RSRC1: variants seen among roughly 807,000 people sequenced by gnomAD.
The protein encoded by RSRC1 is serine/Arginine-related protein 53.
A neutral mutation model predicts 49.1 loss-of-function variants in RSRC1; 39 were observed. The observed-to-expected ratio is 0.79, with a 90% CI of 0.61 to 1.04. The LOEUF (loss-of-function observed/expected upper bound fraction) is 1.04. Ranked by LOEUF, RSRC1 falls within the 50% of genes least tolerant of loss-of-function variation. RSRC1 has a pLI of 0.00. For synonymous variants in RSRC1, 143 were observed against 130.8 expected (o/e 1.09, Z -0.63); for missense variants, 388 against 402.4 (o/e 0.96, Z 0.31).
intron 5 of RSRC1, among the ~76,000 whole-genome samples, chr3:158,354,282 TC>T (rs1432750227): frequency 6.6e-6 from 1 of 152,164 alleles, no homozygotes; most frequent in African/African-American, 2.4e-5. Flanking sequence ...AGCCACTGCG[TC>T]CGGCTGGAAA....
At chr3:158,290,049 T>A (rs1422837188) in intron 4 of RSRC1, among the ~76,000 whole-genome samples, 1 of 150,430 alleles carries the variant, frequency 6.6e-6, no homozygotes, top group Non-Finnish European at 1.5e-5. Context: ...AGCTGAAAAT[T>A]ATATGAAGAT....
intron 6 of RSRC1, among the ~76,000 whole-genome samples, chr3:158,359,107 CTA>C (rs1731333705): frequency 6.6e-6 from 1 of 152,032 alleles, no homozygotes; most frequent in Non-Finnish European, 1.5e-5. Context: ...TTTGGTAATT[CTA>C]TGTTTAATTT....
chr3:158,254,168 A>T (rs1578247981), intron 4 of RSRC1, among the ~76,000 whole-genome samples: 2 of 152,136 alleles, frequency 1.3e-5, no homozygotes, highest in African/African-American at 2.4e-5. Flanking sequence ...TCTATCATTG[A>T]TGGACATTTG....
chr3:158,208,109 G>A (rs902133719), intron 4 of RSRC1, among the ~76,000 whole-genome samples: 3 of 151,958 alleles, frequency 2.0e-5, no homozygotes, highest in South Asian at 4.1e-4. Flanking sequence ...GAAAGACATC[G>A]AGTCCTGTCT....
At chr3:158,135,272 A>ATTTT (rs10626579) in intron 3 of RSRC1, among the ~76,000 whole-genome samples, 2 of 144,322 alleles carry the variant, frequency 1.4e-5, no homozygotes, top group African/African-American at 2.6e-5. Flanking sequence ...TTATAGTGTA[A>ATTTT]TTTTTTTTTT....
intron 3 of RSRC1, among the ~76,000 whole-genome samples, chr3:158,133,566 CCTT>C (rs1716173637): frequency 6.6e-6 from 1 of 152,238 alleles, no homozygotes. Context: ...TAACATTTTG[CCTT>C]CTTGCAATCT....
At chr3:158,145,010 C>A (rs1314435354) in intron 3 of RSRC1, among the ~76,000 whole-genome samples, 1 of 151,994 alleles carries the variant, frequency 6.6e-6, no homozygotes, top group Non-Finnish European at 1.5e-5. Context: ...TGTTTGAGTT[C>A]TTTGTAGATT....
rs182996482 is a variant in RSRC1 at position 158,318,269 on chromosome 3, G to A, written c.531+20194G>A. On this transcript the variant is annotated intron_variant, in intron 5 of 9. Coordinates refer to ENST00000611884, the MANE Select transcript of RSRC1 (RefSeq NM_001271838.2). ...GATAGAGCCATTAATTCACCCACATGTTACCATATGACAGTCTCCTAGCAA... is the reference window on the plus strand; with the variant it reads ...GATAGAGCCATTAATTCACCCACATATTACCATATGACAGTCTCCTAGCAA... Among the ~76,000 whole-genome samples, 411 of 152,112 alleles carry A rather than the reference G, an allele frequency of 2.7e-3. 3 individuals are homozygous for A. The highest frequency in any genetic ancestry group is 4.5e-3 in the Non-Finnish European group (305 of 68,006).
At chr3:158,540,099 T>A (rs1034527457) in intron 8 of RSRC1, among the ~76,000 whole-genome samples, 1 of 152,166 alleles carries the variant, frequency 6.6e-6, no homozygotes, top group African/African-American at 2.4e-5. Flanking sequence ...GTCTTGAACC[T>A]CTTGGATTAG....
intron 3 of RSRC1, among the ~76,000 whole-genome samples, chr3:158,177,643 G>C (rs967443137): frequency 6.6e-6 from 1 of 151,932 alleles, no homozygotes; most frequent in African/African-American, 2.4e-5. Context: ...GGGCCTGTCA[G>C]AGTGTGGGGG....
chr3:158,226,069 G>A (rs886066199), intron 4 of RSRC1, among the ~76,000 whole-genome samples: 1 of 151,794 alleles, frequency 6.6e-6, no homozygotes, highest in Non-Finnish European at 1.5e-5. Flanking sequence ...TCCCCATTGC[G>A]CTAGGCCCTA....
intron 6 of RSRC1, among the ~76,000 whole-genome samples, chr3:158,453,705 C>T (rs1020712811): frequency 3.2e-4 from 48 of 152,022 alleles, no homozygotes; most frequent in African/African-American, 1.1e-3. Context: ...TTAACCTTTT[C>T]GGGTTCTCTT....
At chr3:158,500,119 T>C (rs1290924640) in intron 7 of RSRC1, among the ~76,000 whole-genome samples, 4 of 152,236 alleles carry the variant, frequency 2.6e-5, no homozygotes, top group Non-Finnish European at 5.9e-5. Flanking sequence ...TCTATTGAGA[T>C]GATCATGTGA....
chr3:158,234,624 A>G (rs1274314672), intron 4 of RSRC1, among the ~76,000 whole-genome samples: 1 of 152,084 alleles, frequency 6.6e-6, no homozygotes, highest in African/African-American at 2.4e-5. Flanking sequence ...TATATAACTT[A>G]TAGGCAGAGG....
chr3:158,166,291 G>A (rs183566715), intron 3 of RSRC1, among the ~76,000 whole-genome samples: 397 of 147,566 alleles, frequency 2.7e-3, no homozygotes, highest in Non-Finnish European at 4.2e-3. Flanking sequence ...TTGATATAAA[G>A]TTTTTTAATC....
chr3:158,360,490 A>G (rs979437826), intron 6 of RSRC1, among the ~76,000 whole-genome samples: 1 of 152,120 alleles, frequency 6.6e-6, no homozygotes, highest in Non-Finnish European at 1.5e-5. Flanking sequence ...GCCGCCATCC[A>G]TGACACACAG....
Position 158,118,460 on chromosome 3 carries a change from TGTGC to T in RSRC1, c.-2-3641_-2-3638del, listed in dbSNP as rs1251411385. Among the ~76,000 whole-genome samples the T allele has an allele frequency of 3.0e-3, 312 of 105,032 alleles. 5 individuals are homozygous for T. The highest frequency in any genetic ancestry group is 9.5e-3 in the African/African-American group (219 of 22,958). 68.9% of individuals were successfully genotyped at this position (105,032 alleles called of 152,430 possible). ...GTGTGTGTGTGTGTGTGTGTGTGTG[TGTGC>T]GCGTGCGCGTGGTTTTTTTAAATTG... On this transcript the variant is annotated intron_variant, in intron 1 of 9. Transcript: ENST00000611884.
chr3:158,171,407 C>T (rs576133182), intron 3 of RSRC1, among the ~76,000 whole-genome samples: 5 of 152,094 alleles, frequency 3.3e-5, no homozygotes, highest in Admixed American at 6.6e-5. Context: ...CAGATGGCAA[C>T]TCCAAGATGA....
chr3:158,299,391 T>C (rs958029154), intron 5 of RSRC1, among the ~76,000 whole-genome samples: 1 of 152,074 alleles, frequency 6.6e-6, no homozygotes, highest in Non-Finnish European at 1.5e-5. Flanking sequence ...TAGTGTGCAG[T>C]GGTGCGATCT....
Sources: gnomAD v4.1 joint callset for allele counts (sites outside exome capture counted in the v4.1 genomes callset) on GRCh38, gnomAD v4.1.1 for gene constraint, MANE v1.5 for transcripts, NCBI Gene and HGNC (gene_info 2026-07-23, HGNC 2026-07-21) for gene names.